FGF13: variants seen among roughly 807,000 people sequenced by gnomAD.
FGF13 encodes the protein fibroblast growth factor homologous factor 2.
FGF13 carries 2 observed loss-of-function variants against 19.5 expected under a neutral mutation model. The ratio of observed to expected loss-of-function variants is 0.10; its 90% confidence interval spans 0.04 to 0.32. The LOEUF (loss-of-function observed/expected upper bound fraction) is 0.32, where lower values mean the gene tolerates loss of function less well. Among genes scored for constraint, FGF13 ranks in the 10% least tolerant of loss-of-function variants. FGF13 has a pLI of 1.00. For missense variants in FGF13, 113 were observed against 192.7 expected, an observed-to-expected ratio of 0.59 and a Z score of 2.45; for synonymous variants, 72 against 76.9, an observed-to-expected ratio of 0.94 and a Z score of 0.33.
intron 1 of FGF13, among the ~76,000 whole-genome samples, chrX:139,027,030 T>G (rs1360602313): frequency 8.9e-6 from 1 of 112,028 alleles, no homozygotes; most frequent in Non-Finnish European, 1.9e-5. Context: ...CCACATTCCT[T>G]TAACTCCTCT....
chrX:139,096,439 T>G (rs755053056), intron 1 of FGF13, among the ~76,000 whole-genome samples: 81 of 111,435 alleles, frequency 7.3e-4, no homozygotes, highest in Non-Finnish European at 1.0e-3. Context: ...AAGTTAAGAA[T>G]ATATCAGGAG....
At chrX:139,103,738 C>T (rs1306131989) in intron 1 of FGF13, among the ~76,000 whole-genome samples, 2 of 112,035 alleles carry the variant, frequency 1.8e-5, no homozygotes, top group African/African-American at 6.5e-5. Context: ...CAGTTAAGAG[C>T]TACTGCAGTT....
intron 1 of FGF13, among the ~76,000 whole-genome samples, chrX:139,061,608 A>AT (rs35411311): frequency 1.1e-3 from 117 of 109,551 alleles, no homozygotes; most frequent in South Asian, 6.3e-3. Context: ...AAATAAACTT[A>AT]TTTTTTTTTA....
intron 1 of FGF13, among the ~76,000 whole-genome samples, chrX:138,887,393 A>G (rs1335150895): frequency 8.9e-6 from 1 of 111,770 alleles, no homozygotes; most frequent in Non-Finnish European, 1.9e-5. Context: ...AATCCTTATC[A>G]GCTATTAGAA....
At chrX:139,001,145 A>G (rs925835610) in intron 1 of FGF13, among the ~76,000 whole-genome samples, 6 of 112,266 alleles carry the variant, frequency 5.3e-5, no homozygotes, top group African/African-American at 1.9e-4. Flanking sequence ...CAGAAAGCTG[A>G]AACTGTTTCC....
intron 1 of FGF13, among the ~76,000 whole-genome samples, chrX:139,061,561 C>T (rs1223070579): frequency 9.0e-6 from 1 of 110,668 alleles, no homozygotes; most frequent in Non-Finnish European, 1.9e-5. Context: ...AGATGCAGCC[C>T]ACCTACCTTG....
At chrX:139,192,807 G>A (rs1245962066) in intron 1 of FGF13, among the ~76,000 whole-genome samples, 2 of 111,651 alleles carry the variant, frequency 1.8e-5, no homozygotes, top group African/African-American at 6.5e-5. Context: ...CTTGGCCAGA[G>A]CCTGATGGCT....
intron 3 of FGF13, among the ~76,000 whole-genome samples, chrX:138,644,046 A>T (rs1419712544): frequency 9.0e-6 from 1 of 111,709 alleles, no homozygotes; most frequent in Non-Finnish European, 1.9e-5. Flanking sequence ...AGTACATGTT[A>T]TCAGGAGAAC....
intron 1 of FGF13, among the ~76,000 whole-genome samples, chrX:138,981,346 CACACACACACAT>C (rs1477785001): frequency 2.8e-5 from 3 of 106,468 alleles, no homozygotes; most frequent in Admixed American, 1.0e-4. Flanking sequence ...CACACACACA[CACACACACACAT>C]GCGAACACAA....
intron 2 of FGF13, among the ~76,000 whole-genome samples, chrX:138,707,697 A>G (rs992327287): frequency 8.9e-6 from 1 of 112,107 alleles, no homozygotes; most frequent in African/African-American, 3.2e-5. Flanking sequence ...GTGAAGAACC[A>G]TTCAGTATGA....
rs779269157 is a variant in FGF13 at position 138,906,254 on chromosome X, G to A, written c.-112-41604C>T. On this transcript the variant is annotated intron_variant, in intron 1 of 2. Transcript: ENST00000421460. ...TAAATGTAAAATGAAAATAAGGACA[G>A]TATGTACCATGCAGAGTTACTGTGA... Among the ~76,000 whole-genome samples the A allele has an allele frequency of 1.5e-4, 17 of 112,207 alleles. No homozygotes were observed. In the Admixed American group the frequency reaches 1.6e-3, roughly 11 times the overall value.
intron 1 of FGF13, among the ~76,000 whole-genome samples, chrX:138,894,913 A>G (rs1353491568): frequency 1.8e-5 from 2 of 112,259 alleles, no homozygotes; most frequent in African/African-American, 3.2e-5. Flanking sequence ...AAAATCCTCA[A>G]TAAAATACTG....
intron 3 of FGF13, among the ~76,000 whole-genome samples, chrX:138,685,168 A>T (rs1028552049): frequency 9.0e-6 from 1 of 111,437 alleles, no homozygotes; most frequent in African/African-American, 3.3e-5. Flanking sequence ...CCACTAAAGG[A>T]GCATAATTGC....
rs57793547 is a variant in FGF13 at position 138,932,703 on chromosome X, AGTGTGTGTGTGT to A, written c.-112-68065_-112-68054del. On this transcript the variant is annotated intron_variant, in intron 1 of 2. Transcript: ENST00000421460. ...AAGGGGAAAAACATGTCAGGAGTGT[AGTGTGTGTGTGT>A]GTGTGTGTGTGTGTGTGTGTGTGTG... 9.0e-4 allele frequency among the ~76,000 whole-genome samples: 81 copies of A among 90,297 alleles called. No individual in the cohort carries two copies. In the South Asian group the frequency reaches 0.01, roughly 11 times the overall value. 78.4% of individuals were successfully genotyped at this position (90,297 alleles called of 115,157 possible). A position where few individuals can be genotyped will look rare whatever the true frequency, so the allele number is the denominator to read the frequency against.
rs1384262386 is a variant in FGF13, at chrX:138,617,201, A to ACAGTATAT, written c.*15641_*15648dup. The stretch of plus-strand genomic sequence containing the variant: ...TATACCTAACAGGTTTGTATATGAT[A>ACAGTATAT]CAGTATATAATTTTAGCTCCATTTC... On this transcript the variant is annotated 3_prime_UTR_variant, in exon 5 of 5. Coordinates refer to ENST00000315930, the MANE Select transcript of FGF13 (RefSeq NM_004114.5). 3.6e-5 allele frequency: 4 copies of ACAGTATAT among 112,141 alleles called. No individual in the cohort carries two copies. Among genetic ancestry groups the ACAGTATAT allele is most frequent in the African/African-American group, 1.3e-4 (4 of 30,844 alleles). The allele number at this position is 112,141 out of a possible 1,213,427, so 9.2% of individuals were successfully genotyped here.
intron 1 of FGF13, among the ~76,000 whole-genome samples, chrX:138,991,789 G>A (rs1460306343): frequency 1.8e-5 from 2 of 111,725 alleles, no homozygotes; most frequent in Admixed American, 1.9e-4. Flanking sequence ...GTGACCTCCA[G>A]AAACATCATC....
intron 3 of FGF13, among the ~76,000 whole-genome samples, chrX:138,677,866 A>G (rs2089687460): frequency 8.9e-6 from 1 of 112,022 alleles, no homozygotes; most frequent in African/African-American, 3.2e-5. Context: ...GCTGCTATAA[A>G]GACACATGCA....
chrX:139,108,916 C>T (rs1240556514), intron 1 of FGF13, among the ~76,000 whole-genome samples: 3 of 105,865 alleles, frequency 2.8e-5, no homozygotes, highest in African/African-American at 1.0e-4. Flanking sequence ...TCCGCTCCCA[C>T]TTATAAGTGA....
At chrX:139,068,241 G>A (rs1213961857) in intron 1 of FGF13, among the ~76,000 whole-genome samples, 4 of 95,404 alleles carry the variant, frequency 4.2e-5, no homozygotes, top group Non-Finnish European at 8.0e-5. Flanking sequence ...ATTAAATAGG[G>A]AATCCTTTCC....
Sources: allele counts gnomAD v4.1 joint callset (sites outside exome capture counted in the v4.1 genomes callset), GRCh38; gene constraint gnomAD v4.1.1; transcripts MANE v1.5; gene names NCBI Gene and HGNC (gene_info 2026-07-23, HGNC 2026-07-21).